Variants in ADCY9 observed in about 807,000 individuals in gnomAD.
The protein encoded by ADCY9 is adenylate cyclase 9, also known as adenylate cyclase type 9.
Under a neutral mutation model 101.5 loss-of-function variants are expected in ADCY9, and 50 were observed. The observed-to-expected ratio is 0.49, with a 90% CI of 0.39 to 0.62. ADCY9 has a LOEUF of 0.62. ADCY9 is among the 20% of genes least tolerant of loss of function. The probability of loss-of-function intolerance (pLI) is 0.00; values close to 1 mark genes in which losing one functional copy is unlikely to be tolerated. For missense variants in ADCY9, 1,662 were observed against 1,800.4 expected (o/e 0.92, Z 1.39); for synonymous variants, 905 against 769.3 (o/e 1.18, Z -2.92).
intron 3 of ADCY9, among the ~76,000 whole-genome samples, chr16:4,005,431 G>A (rs1055423547): frequency 6.6e-6 from 1 of 152,126 alleles, no homozygotes; most frequent in African/African-American, 2.4e-5. Context: ...GTCTTGCTAC[G>A]ATGACCAGGC....
chr16:3,993,378 A>ACAGGAACAACAT (rs763011505), intron 4 of ADCY9, 28 bp downstream of exon 4: 1 of 1,609,712 alleles, frequency 6.2e-7, no homozygotes, highest in Non-Finnish European at 8.5e-7. Flanking sequence ...AGAGGAACTG[A>ACAGGAACAACAT]CAGGAACAAC....
rs968320186 is a variant in ADCY9, at chr16:4,087,136, G to A, written c.1693+26614C>T. Among the ~76,000 whole-genome samples the A allele has an allele frequency of 3.9e-5, 6 of 152,000 alleles. No individual in the cohort carries two copies. The East Asian group carries it at 5.8e-4, about 15-fold the overall frequency. On this transcript the variant is annotated intron_variant, in intron 2 of 10. Transcript: ENST00000294016. ...ATCCACTCTGGCTTTCTTGGTGAGC[G>A]TTTCTACATTTACCTGCACCCCTCA... is the stretch of plus-strand genomic sequence containing the variant.
chr16:4,057,035 ACCG>A (rs143954061), intron 2 of ADCY9, among the ~76,000 whole-genome samples: 29,637 of 78,618 alleles, frequency 0.38, 4,959 homozygotes, highest in South Asian at 0.5. Context: ...TACTGATGAA[ACCG>A]CCCCCCCCCC....
chr16:4,096,658 A>G (rs967702854), intron 2 of ADCY9, among the ~76,000 whole-genome samples: 1 of 152,192 alleles, frequency 6.6e-6, no homozygotes, highest in Non-Finnish European at 1.5e-5. Flanking sequence ...AAATAGTAAC[A>G]CAATAGGGTA....
intron 2 of ADCY9, among the ~76,000 whole-genome samples, chr16:4,045,549 C>T (rs985531673): frequency 2.2e-4 from 29 of 129,862 alleles, no homozygotes; most frequent in African/African-American, 7.4e-4. Flanking sequence ...GAGCTGAGAT[C>T]GGACCACTGC....
rs745559844 is a variant in ADCY9, at chr16:3,966,419, C to T, written c.3418G>A (p.Glu1140Lys). The change falls in exon 11 of 11, where the codon GAG (glutamate) becomes AAG (lysine). Residue 1140 changes from glutamate (E) to lysine (K), a missense_variant. By Grantham distance (56) the Glu-to-Lys change is moderately conservative. This residue lies in a region of ADCY9 where 220 missense variants were observed against 312.9 expected (regional missense o/e 0.70). Coordinates refer to ENST00000294016, the MANE Select transcript of ADCY9 (RefSeq NM_001116.4). ...HPQEHLQILF[E>K]FAKEMMRVVD... ...ACGCGCATCATCTCCTTGGCGAACT[C>T]GAACAGGATCTGCAGGTGCTCCTGC... 15 of 1,614,134 alleles carry T rather than the reference C, an allele frequency of 9.3e-6. No individual in the cohort carries two copies. The highest frequency in any genetic ancestry group is 2.2e-5 in the East Asian group (1 of 44,876).
intron 2 of ADCY9, among the ~76,000 whole-genome samples, chr16:4,053,735 T>C (rs1162349674): frequency 1.3e-5 from 2 of 152,218 alleles, no homozygotes; most frequent in African/African-American, 2.4e-5. Flanking sequence ...TGCGGAGGCC[T>C]GGGACGCAGC....
Position 3,966,316 on chromosome 16 carries a change from G to A in ADCY9, c.3521C>T (p.Ala1174Val), listed in dbSNP as rs1403167221. ...CAGCTTGGTGGTGCCGATGACCCCG[G>A]CCGTGAGGGGCCCATGGTTGAAGCC... ...RVGFNHGPLT[A>V]GVIGTTKLLY... The change falls in exon 11 of 11, where the codon GCC becomes GTC. Residue 1174 changes from alanine to valine, a missense_variant. Physicochemically the swap from Ala to Val is moderately conservative, Grantham distance 64. Transcript: ENST00000294016. The A allele has an allele frequency of 6.2e-7, 1 of 1,614,084 alleles. No homozygotes were observed. The highest frequency in any genetic ancestry group is 8.5e-7 in the Non-Finnish European group (1 of 1,180,032).
intron 2 of ADCY9, among the ~76,000 whole-genome samples, chr16:4,048,752 C>T (rs1264128037): frequency 1.3e-5 from 2 of 152,166 alleles, no homozygotes; most frequent in African/African-American, 2.4e-5. Context: ...TGAGCGTCCA[C>T]TAGATGCTGG....
Position 3,995,588 on chromosome 16 carries a change from C to T in ADCY9, c.1885-2078G>A, listed in dbSNP as rs148705889. Among the ~76,000 whole-genome samples the T allele has an allele frequency of 2.0e-3, 307 of 149,822 alleles. 1 individual carries two copies. Among genetic ancestry groups the T allele is most frequent in the African/African-American group, 6.8e-3 (276 of 40,530 alleles). On this transcript the variant is annotated intron_variant, in intron 3 of 10. Coordinates refer to ENST00000294016, the MANE Select transcript of ADCY9 (RefSeq NM_001116.4). ...ACAGCTTCCAATGAAGAAGACAAACCGTGGCAAGAAATATATTTTTTTTTT... is the reference window on the plus strand; with the variant it reads ...ACAGCTTCCAATGAAGAAGACAAACTGTGGCAAGAAATATATTTTTTTTTT...
At chr16:4,061,459 T>C (rs964900173) in intron 2 of ADCY9, among the ~76,000 whole-genome samples, 3 of 152,168 alleles carry the variant, frequency 2.0e-5, no homozygotes, top group Non-Finnish European at 4.4e-5. Context: ...AAATCTTGAC[T>C]GCATGAAGAC....
chr16:4,023,762 A>T (rs2056494457), intron 2 of ADCY9, among the ~76,000 whole-genome samples: 1 of 151,916 alleles, frequency 6.6e-6, no homozygotes, highest in South Asian at 2.1e-4. Context: ...AAAATACAAA[A>T]ATTAGCCAGG....
intron 2 of ADCY9, among the ~76,000 whole-genome samples, chr16:4,081,122 G>C (rs970902403): frequency 6.6e-6 from 1 of 152,178 alleles, no homozygotes; most frequent in Admixed American, 6.5e-5. Flanking sequence ...TGTGTGGATG[G>C]TGTGGCCTGG....
Position 3,983,329 on chromosome 16 carries a change from T to C in ADCY9, c.2422A>G (p.Lys808Glu), listed in dbSNP as rs985777337. ...FLTLSTTCFL[K>E]YEAATVPPPP... The stretch of plus-strand genomic sequence containing the variant: ...GGAGGCACGGTGGCCGCCTCGTACT[T>C]CAGGAAGCAGGTGGTGGACAGCGTC... Residue 808 changes from lysine to glutamate, a missense_variant, in exon 7 of 11, where the codon AAG becomes GAG. Physicochemically the swap from Lys to Glu is moderately conservative, Grantham distance 56. Coordinates refer to ENST00000294016, the MANE Select transcript of ADCY9 (RefSeq NM_001116.4). 2.5e-6 allele frequency: 4 copies of C among 1,584,876 alleles called. No homozygotes were observed. In the South Asian group the frequency reaches 3.5e-5, roughly 14 times the overall value.
At position 3,983,599 on chromosome 16, in the gene ADCY9, T is replaced by A. The variant is rs574933319; in HGVS notation, c.2311-159A>T. On this transcript the variant is annotated intron_variant, in intron 6 of 10. Coordinates refer to ENST00000294016, the MANE Select transcript of ADCY9 (RefSeq NM_001116.4). ...AGGGCTGTCTCCCTCTACTACCCCA[T>A]TTAACACTGGGGAGTCCAAGGCACA... 8.7e-5 allele frequency: 56 copies of A among 642,898 alleles called. No individual in the cohort carries two copies. In the African/African-American group the frequency reaches 9.7e-4, roughly 11 times the overall value. 39.8% of individuals were successfully genotyped at this position (642,898 alleles called of 1,614,324 possible).
chr16:4,032,441 G>A (rs1438505700), intron 2 of ADCY9, among the ~76,000 whole-genome samples: 1 of 152,020 alleles, frequency 6.6e-6, no homozygotes, highest in East Asian at 1.9e-4. Context: ...TGGTAGATAT[G>A]CAAAGGCGGT....
chr16:4,031,536 T>G, intron 2 of ADCY9, among the ~76,000 whole-genome samples: 1 of 152,170 alleles, frequency 6.6e-6, no homozygotes, highest in East Asian at 1.9e-4. Context: ...GGGATATTAG[T>G]GTTCATTATA....
chr16:3,983,192 A>G, intron 7 of ADCY9, 40 bp downstream of exon 7: 2 of 1,513,338 alleles, frequency 1.3e-6, no homozygotes, highest in Non-Finnish European at 1.8e-6. Flanking sequence ...AGAGGGAGCT[A>G]ACGGCTCAGA....
intron 2 of ADCY9, among the ~76,000 whole-genome samples, chr16:4,107,340 C>CAGG (rs1300007644): frequency 6.6e-6 from 1 of 151,998 alleles, no homozygotes; most frequent in East Asian, 1.9e-4. Flanking sequence ...CACCTGAGGT[C>CAGG]AGGAGTTCAA....
Sources: allele counts gnomAD v4.1 joint callset (sites outside exome capture counted in the v4.1 genomes callset), GRCh38; gene constraint gnomAD v4.1.1; regional missense constraint gnomAD v4.1.1; transcripts MANE v1.5; gene names NCBI Gene and HGNC (gene_info 2026-07-23, HGNC 2026-07-21).